Variants in RARB observed in about 807,000 individuals in gnomAD.
The protein encoded by RARB is HBV-activated protein.
RARB carries 17 observed loss-of-function variants against 51.9 expected under a neutral mutation model. The ratio of observed to expected loss-of-function variants is 0.33; its 90% confidence interval spans 0.22 to 0.49. The LOEUF is 0.49. Ranked by LOEUF, RARB falls within the 20% of genes least tolerant of loss-of-function variation. RARB has a pLI of 0.99. For missense variants in RARB, 369 were observed against 550.8 expected (o/e 0.67, Z 3.30); for synonymous variants, 215 against 195.4 (o/e 1.10, Z -0.84).
At chr3:25,413,194 T>G (rs888377619) in intron 5 of RARB, among the ~76,000 whole-genome samples, 6 of 152,200 alleles carry the variant, frequency 3.9e-5, no homozygotes, top group Admixed American at 1.3e-4. Context: ...GAAACATTAA[T>G]GTTTTTGAAC....
intron 2 of RARB, among the ~76,000 whole-genome samples, chr3:24,872,024 T>A (rs1039483107): frequency 6.6e-6 from 1 of 152,180 alleles, no homozygotes; most frequent in Non-Finnish European, 1.5e-5. Flanking sequence ...ACAAACTGTT[T>A]TCAATATAAC....
intron 5 of RARB, among the ~76,000 whole-genome samples, chr3:25,177,337 G>A (rs1489979584): frequency 3.3e-5 from 5 of 152,164 alleles, no homozygotes; most frequent in African/African-American, 1.2e-4. Flanking sequence ...GAGATTAGTA[G>A]GAAGGTAGCC....
chr3:24,934,903 T>C (rs1231107135), intron 2 of RARB, among the ~76,000 whole-genome samples: 2 of 152,160 alleles, frequency 1.3e-5, no homozygotes, highest in Non-Finnish European at 2.9e-5. Flanking sequence ...TAAAAGTTAA[T>C]GGTATTTTGG....
At chr3:25,405,639 G>A (rs894265724) in intron 5 of RARB, among the ~76,000 whole-genome samples, 4 of 152,142 alleles carry the variant, frequency 2.6e-5, no homozygotes, top group African/African-American at 7.2e-5. Flanking sequence ...ACCACATGTG[G>A]CAATTTAAAT....
At position 25,597,530 on chromosome 3, in the gene RARB, G is replaced by C. The variant is rs937385838; in HGVS notation, c.*914G>C. On this transcript the variant is annotated 3_prime_UTR_variant, in exon 8 of 8. Transcript: ENST00000330688. Reference sequence around the variant, plus strand: ...GGAAATTTCATGGGATAATTAGCAGGCTGGTCTACCACCTGGACCATGTAA... The same window carrying C: ...GGAAATTTCATGGGATAATTAGCAGCCTGGTCTACCACCTGGACCATGTAA... 2.0e-5 allele frequency: 3 copies of C among 152,594 alleles called. No homozygotes were observed. The highest frequency in any genetic ancestry group is 6.6e-5 in the Admixed American group (1 of 15,266). The allele number at this position is 152,594 out of a possible 1,614,324, so 9.5% of individuals were successfully genotyped here.
At chr3:24,842,939 C>T (rs892714244) in intron 1 of RARB, among the ~76,000 whole-genome samples, 4 of 152,340 alleles carry the variant, frequency 2.6e-5, no homozygotes, top group South Asian at 2.1e-4. Context: ...AAACAGTCCT[C>T]ACAGTATTTC....
rs550373413 is a variant in RARB at position 25,440,679 on chromosome 3, A to G, written c.157+11791A>G. Among the ~76,000 whole-genome samples the G allele has an allele frequency of 3.3e-5, 5 of 152,042 alleles. No individual in the cohort carries two copies. In the East Asian group the frequency reaches 9.7e-4, roughly 30 times the overall value. On this transcript the variant is annotated intron_variant, in intron 1 of 7. Coordinates refer to ENST00000330688, the MANE Select transcript of RARB (RefSeq NM_000965.5). The stretch of plus-strand genomic sequence containing the variant: ...TCCCAGCTGCTCAGGAGGCTGAGGC[A>G]GGAGAATCGCTTGAACCGGGGAGGC...
At chr3:24,938,554 T>C (rs777733633) in intron 2 of RARB, among the ~76,000 whole-genome samples, 2 of 152,210 alleles carry the variant, frequency 1.3e-5, no homozygotes, top group African/African-American at 4.8e-5. Context: ...CTATTATACA[T>C]ATAGTGGTGA....
chr3:24,878,362 A>T (rs1170153861), intron 2 of RARB, among the ~76,000 whole-genome samples: 3 of 147,128 alleles, frequency 2.0e-5, no homozygotes, highest in Non-Finnish European at 4.5e-5. Context: ...CCAAGTTGTG[A>T]TTTTTTTTTT....
intron 5 of RARB, among the ~76,000 whole-genome samples, chr3:25,274,411 G>A (rs75260183): frequency 0.022 from 3,398 of 152,192 alleles, 60 homozygotes; most frequent in Non-Finnish European, 0.036. Context: ...TGCTTATCCC[G>A]ATTCAGCCTG....
chr3:25,372,378 C>A (rs1306713265), intron 5 of RARB, among the ~76,000 whole-genome samples: 1 of 152,210 alleles, frequency 6.6e-6, no homozygotes, highest in African/African-American at 2.4e-5. Flanking sequence ...GACAAAATCA[C>A]TCCCACATGA....
At chr3:25,183,016 C>A (rs567443719) in intron 5 of RARB, among the ~76,000 whole-genome samples, 3 of 152,216 alleles carry the variant, frequency 2.0e-5, no homozygotes, top group African/African-American at 4.8e-5. Context: ...AGGAGGCAAC[C>A]CTGCCAGCAC....
intron 2 of RARB, among the ~76,000 whole-genome samples, chr3:24,905,249 G>C (rs373055240): frequency 1.3e-5 from 2 of 152,262 alleles, no homozygotes; most frequent in South Asian, 2.1e-4. Context: ...TGGGCCCTGG[G>C]GGTTTGTGAT....
intron 3 of RARB, among the ~76,000 whole-genome samples, chr3:25,072,854 A>G (rs571037610): frequency 1.8e-4 from 27 of 151,794 alleles, no homozygotes; most frequent in Middle Eastern, 3.4e-3. Flanking sequence ...GACTACAGGC[A>G]CCCGCCACCA....
chr3:25,205,246 G>A (rs774534957), intron 5 of RARB, among the ~76,000 whole-genome samples: 1 of 152,178 alleles, frequency 6.6e-6, no homozygotes, highest in Non-Finnish European at 1.5e-5. Context: ...ATAATCTCCT[G>A]CTGTGCAGTT....
At chr3:25,110,572 C>T (rs1338245820) in intron 3 of RARB, among the ~76,000 whole-genome samples, 2 of 152,184 alleles carry the variant, frequency 1.3e-5, no homozygotes, top group Non-Finnish European at 1.5e-5. Context: ...AGTGCCAGTT[C>T]ACCTAGTAAA....
chr3:25,007,534 G>T (rs1697297392), intron 2 of RARB, among the ~76,000 whole-genome samples: 1 of 136,776 alleles, frequency 7.3e-6, no homozygotes, highest in Non-Finnish European at 1.5e-5. Context: ...GGCAGAGGTT[G>T]CAGTGAGCTG....
chr3:25,408,046 C>T (rs1011835727), intron 5 of RARB, among the ~76,000 whole-genome samples: 1 of 152,140 alleles, frequency 6.6e-6, no homozygotes, highest in Non-Finnish European at 1.5e-5. Flanking sequence ...ATCACTTCTT[C>T]CTTGGATCTT....
chr3:24,990,151 T>C (rs1215904484), intron 2 of RARB, among the ~76,000 whole-genome samples: 1 of 105,424 alleles, frequency 9.5e-6, no homozygotes, highest in South Asian at 3.5e-4. Flanking sequence ...ATTTCACTAT[T>C]GTTTATTTTC....
Sources: allele counts gnomAD v4.1 joint callset (sites outside exome capture counted in the v4.1 genomes callset), GRCh38; gene constraint gnomAD v4.1.1; transcripts MANE v1.5; gene names NCBI Gene and HGNC (gene_info 2026-07-23, HGNC 2026-07-21).